The following RBMS2 variants were observed in gnomAD, a reference collection of about 807,000 sequenced individuals.
RBMS2 encodes RNA binding motif single stranded interacting protein 2, also known as RNA-binding motif, single-stranded-interacting protein 2.
Under a neutral mutation model 58.4 loss-of-function variants are expected in RBMS2, and 38 were observed. The ratio of observed to expected loss-of-function variants is 0.65; its 90% CI spans 0.50 to 0.85. The LOEUF (loss-of-function observed/expected upper bound fraction) is 0.85, where lower values mean the gene tolerates loss of function less well. Among genes scored for constraint, RBMS2 ranks in the 40% least tolerant of loss-of-function variants. The probability of loss-of-function intolerance (pLI) is 0.00; values close to 1 mark genes in which losing one functional copy is unlikely to be tolerated. For missense variants in RBMS2, 367 were observed against 503.7 expected, an observed-to-expected ratio of 0.73 and a Z score of 2.60; for synonymous variants, 151 against 180.7, an observed-to-expected ratio of 0.84 and a Z score of 1.32.
chr12:56,546,954 C>T (rs1877357176), intron 1 of RBMS2, among the ~76,000 whole-genome samples: 2 of 152,150 alleles, frequency 1.3e-5, no homozygotes, highest in Non-Finnish European at 2.9e-5. Context: ...ACACCCTTAC[C>T]AGAACTTATC....
At chr12:56,559,761 G>A (rs1366281128) in intron 1 of RBMS2, among the ~76,000 whole-genome samples, 1 of 146,294 alleles carries the variant, frequency 6.8e-6, no homozygotes, top group Non-Finnish European at 1.5e-5. Flanking sequence ...TGAGGCAGGA[G>A]AATGGTGTGA....
chr12:56,537,749 A>T (rs1208390034), intron 1 of RBMS2, among the ~76,000 whole-genome samples: 1 of 152,008 alleles, frequency 6.6e-6, no homozygotes, highest in Non-Finnish European at 1.5e-5. Context: ...TCATATGGCA[A>T]GTCTATTTTT....
At chr12:56,581,115 T>TA in intron 5 of RBMS2, 69 bp from the exon 6 acceptor site, 1 of 1,318,438 alleles carries the variant, frequency 7.6e-7, no homozygotes, top group Non-Finnish European at 1.1e-6. Context: ...GAGCTTTGCT[T>TA]TCTCTTTCAA....
At chr12:56,529,561 A>G (rs1291844503) in intron 1 of RBMS2, among the ~76,000 whole-genome samples, 1 of 152,046 alleles carries the variant, frequency 6.6e-6, no homozygotes, top group African/African-American at 2.4e-5. Context: ...CTGTCCCAAC[A>G]ACAACAACAA....
intron 1 of RBMS2, among the ~76,000 whole-genome samples, chr12:56,561,212 G>A (rs1880326459): frequency 6.6e-6 from 1 of 152,116 alleles, no homozygotes; most frequent in Non-Finnish European, 1.5e-5. Context: ...TGTGAATAGT[G>A]CTGCAGCGAA....
At chr12:56,584,740 G>A (rs796398548) in intron 9 of RBMS2, among the ~76,000 whole-genome samples, 18 of 151,844 alleles carry the variant, frequency 1.2e-4, no homozygotes, top group African/African-American at 4.1e-4. Context: ...AGCCGAGATC[G>A]CGCCACTGCA....
At chr12:56,569,138 A>G (rs1164999137) in intron 3 of RBMS2, 105 bp downstream of exon 3, 2 of 981,752 alleles carry the variant, frequency 2.0e-6, no homozygotes, top group East Asian at 5.1e-5. Context: ...TGTCAGCGAG[A>G]AGTCCCTGAA....
At chr12:56,587,449 G>T in intron 10 of RBMS2, 105 bp from the exon 11 acceptor site, 1 of 1,213,808 alleles carries the variant, frequency 8.2e-7, no homozygotes, top group Non-Finnish European at 1.1e-6. Flanking sequence ...CATTTCCCAG[G>T]ATTCTTAAAT....
In RBMS2 at chr12:56,589,207, A is replaced by G; in HGVS notation, c.*74A>G. 2.6e-6 allele frequency: 4 copies of G among 1,513,076 alleles called. No individual in the cohort carries two copies. Among genetic ancestry groups the G allele is most frequent in the Non-Finnish European group, 3.5e-6 (4 of 1,127,604 alleles). The allele number at this position is 1,513,076 out of a possible 1,614,324, so 93.7% of individuals were successfully genotyped here. ...AGATACTCATGCTCCCAGATTCCAG[A>G]GGGTTAACCAGGAATGGAGACCATC... is the stretch of plus-strand genomic sequence containing the variant. On this transcript the variant is annotated 3_prime_UTR_variant, in exon 14 of 14. Transcript: ENST00000262031.
chr12:56,537,450 T>C (rs2657898), intron 1 of RBMS2, among the ~76,000 whole-genome samples: 93,126 of 151,700 alleles, frequency 0.61, 29,015 homozygotes, highest in East Asian at 0.8. Context: ...TACAATATTT[T>C]TGTGACTGTC....
chr12:56,535,732 C>T (rs147562382), intron 1 of RBMS2, among the ~76,000 whole-genome samples: 1 of 152,102 alleles, frequency 6.6e-6, no homozygotes, highest in Non-Finnish European at 1.5e-5. Context: ...CAAAACTGTT[C>T]TCTGTCTCAG....
intron 12 of RBMS2, chr12:56,588,575 C>G (rs973577449): frequency 1.1e-4 from 64 of 597,106 alleles, no homozygotes; most frequent in African/African-American, 5.6e-5. Context: ...AGATTATGGC[C>G]CCTGTGCAAG....
chr12:56,557,222 G>A (rs1290427644), intron 1 of RBMS2, among the ~76,000 whole-genome samples: 2 of 152,068 alleles, frequency 1.3e-5, no homozygotes, highest in Admixed American at 6.6e-5. Flanking sequence ...GTGCTCATAC[G>A]TATTACCCTT....
intron 4 of RBMS2, 68 bp downstream of exon 4, chr12:56,570,058 G>C (rs759161483): frequency 7.1e-7 from 1 of 1,410,088 alleles, no homozygotes; most frequent in South Asian, 1.2e-5. Flanking sequence ...CCAGTTCTAA[G>C]GTTTCCAGAG....
At chr12:56,572,162 G>C (rs1052658273) in intron 5 of RBMS2, among the ~76,000 whole-genome samples, 2 of 151,692 alleles carry the variant, frequency 1.3e-5, no homozygotes, top group Non-Finnish European at 2.9e-5. Flanking sequence ...GGTGGCGCAT[G>C]CCTGTAATCC....
At chr12:56,523,624 G>A (rs2136222798) in intron 1 of RBMS2, among the ~76,000 whole-genome samples, 1 of 152,214 alleles carries the variant, frequency 6.6e-6, no homozygotes, top group South Asian at 2.1e-4. Context: ...GCTGGGCTTG[G>A]TGGCACGCGC....
At chr12:56,572,498 C>T (rs955878313) in intron 5 of RBMS2, among the ~76,000 whole-genome samples, 1 of 151,944 alleles carries the variant, frequency 6.6e-6, no homozygotes, top group Non-Finnish European at 1.5e-5. Flanking sequence ...GCTAAGCTCC[C>T]TACTACTTCC....
At chr12:56,583,614 A>C (rs1246012226) in intron 9 of RBMS2, among the ~76,000 whole-genome samples, 1 of 151,830 alleles carries the variant, frequency 6.6e-6, no homozygotes, top group Non-Finnish European at 1.5e-5. Flanking sequence ...AGATCGCGCC[A>C]CTACACTCCA....
chr12:56,585,509 G>A (rs765347388), intron 9 of RBMS2, among the ~76,000 whole-genome samples: 6 of 152,030 alleles, frequency 3.9e-5, no homozygotes, highest in Non-Finnish European at 8.8e-5. Flanking sequence ...TTTTGCGTCT[G>A]GCTTCTTTCA....
Sources: allele counts gnomAD v4.1 joint callset (sites outside exome capture counted in the v4.1 genomes callset), GRCh38; gene constraint gnomAD v4.1.1; transcripts MANE v1.5; gene names NCBI Gene and HGNC (gene_info 2026-07-23, HGNC 2026-07-21).